DNAJC10: variants seen among roughly 807,000 people sequenced by gnomAD.
The protein encoded by DNAJC10 is DnaJ heat shock protein family (Hsp40) member C10, also known as endoplasmic reticulum disulfide reductase DNAJC10.
Under a neutral mutation model 115.0 loss-of-function variants are expected in DNAJC10, and 101 were observed. That is an observed-to-expected ratio of 0.88 (90% CI 0.75 to 1.04). DNAJC10 has a LOEUF of 1.04. DNAJC10 is among the 50% of genes least tolerant of loss of function. The probability of loss-of-function intolerance (pLI) is 0.00; values close to 1 mark genes in which losing one functional copy is unlikely to be tolerated. For missense variants in DNAJC10, 981 were observed against 928.8 expected (o/e 1.06, Z -0.73); for synonymous variants, 307 against 301.5 (o/e 1.02, Z -0.19).
intron 23 of DNAJC10, among the ~76,000 whole-genome samples, chr2:182,776,302 T>C (rs868797680): frequency 6.0e-4 from 91 of 152,336 alleles, no homozygotes; most frequent in African/African-American, 2.2e-3. Context: ...AAACCCATAT[T>C]TGTGTTGGCC....
At chr2:182,755,611 G>A (rs1694138477) in intron 17 of DNAJC10, among the ~76,000 whole-genome samples, 1 of 152,232 alleles carries the variant, frequency 6.6e-6, no homozygotes, top group African/African-American at 2.4e-5. Flanking sequence ...TCCCAGTGAA[G>A]CTAGCCTCTT....
At position 182,782,348 on chromosome 2, in the gene DNAJC10, G is replaced by A. The variant is rs1220404501; in HGVS notation, c.*5216G>A. On this transcript the variant is annotated 3_prime_UTR_variant, in exon 24 of 24. Transcript: ENST00000264065. Reference sequence around the variant, plus strand: ...AGTACCATGCTGTTTTGGTTACTGAGCCTTGTAGTATAGTTCGTTCTTTTT... The same window carrying A: ...AGTACCATGCTGTTTTGGTTACTGAACCTTGTAGTATAGTTCGTTCTTTTT... 6.6e-6 allele frequency: 1 copy of A among 151,948 alleles called. No homozygotes were observed. Among genetic ancestry groups the A allele is most frequent in the Non-Finnish European group, 1.5e-5 (1 of 67,972 alleles). 9.4% of individuals were successfully genotyped at this position (151,948 alleles called of 1,614,324 possible). A position where few individuals can be genotyped will look rare whatever the true frequency, so the allele number is the denominator to read the frequency against.
At chr2:182,770,492 G>C (rs1357783948) in intron 22 of DNAJC10, among the ~76,000 whole-genome samples, 1 of 152,024 alleles carries the variant, frequency 6.6e-6, no homozygotes, top group African/African-American at 2.4e-5. Context: ...TTATTTCCTT[G>C]AGTAGTGGTT....
At chr2:182,753,393 G>T (rs994948420) in intron 16 of DNAJC10, among the ~76,000 whole-genome samples, 1 of 152,066 alleles carries the variant, frequency 6.6e-6, no homozygotes. Context: ...GAACATCACA[G>T]AAGTTTAAGC....
chr2:182,743,417 C>G (rs920499618), intron 13 of DNAJC10, among the ~76,000 whole-genome samples, 181 bp from the exon 14 acceptor site: 1 of 152,022 alleles, frequency 6.6e-6, no homozygotes, highest in Non-Finnish European at 1.5e-5. Context: ...ATTTTTTTAA[C>G]TAAATTGAGT....
chr2:182,784,007 C>T lies in DNAJC10; in HGVS notation c.*6875C>T, dbSNP rs1349285821. The T allele has an allele frequency of 6.6e-6, 1 of 152,130 alleles. No individual in the cohort carries two copies. Among genetic ancestry groups the T allele is most frequent in the African/African-American group, 2.4e-5 (1 of 41,426 alleles). 9.4% of individuals were successfully genotyped at this position (152,130 alleles called of 1,614,324 possible). A position where few individuals can be genotyped will look rare whatever the true frequency, so the allele number is the denominator to read the frequency against. Reference sequence around the variant, plus strand: ...CAAGATGCAAAAAGAAAACCTATTTCACTACCGAAATTAAATAAACTTTAA... The same window carrying T: ...CAAGATGCAAAAAGAAAACCTATTTTACTACCGAAATTAAATAAACTTTAA... On this transcript the variant is annotated 3_prime_UTR_variant, in exon 24 of 24. Coordinates refer to ENST00000264065, the MANE Select transcript of DNAJC10 (RefSeq NM_018981.4).
intron 4 of DNAJC10, among the ~76,000 whole-genome samples, chr2:182,720,924 G>A (rs1036954502): frequency 6.6e-6 from 1 of 151,916 alleles, no homozygotes; most frequent in Non-Finnish European, 1.5e-5. Flanking sequence ...TTTGGCCTTC[G>A]GTTGACATTA....
intron 7 of DNAJC10, 46 bp downstream of exon 7, chr2:182,729,040 C>G: frequency 6.3e-7 from 1 of 1,580,940 alleles, no homozygotes; most frequent in Non-Finnish European, 8.7e-7. Flanking sequence ...AACATTATGA[C>G]AAGTTAAATA....
chr2:182,723,433 CCTT>C (rs1477280474), intron 5 of DNAJC10, among the ~76,000 whole-genome samples: 1 of 152,184 alleles, frequency 6.6e-6, no homozygotes, highest in East Asian at 1.9e-4. Context: ...TTGTTAAAAG[CCTT>C]CTAGGTGAAC....
At position 182,785,756 on chromosome 2, in the gene DNAJC10, A is replaced by G. The variant is rs184516589; in HGVS notation, c.*8624A>G. The G allele has an allele frequency of 2.0e-5, 3 of 149,234 alleles. No individual in the cohort carries two copies. The highest frequency in any genetic ancestry group is 3.0e-5 in the Non-Finnish European group (2 of 67,764). The allele number at this position is 149,234 out of a possible 1,614,324, so 9.2% of individuals were successfully genotyped here. ...ATTTGCATCTTGATTTGAACAGACT[A>G]TTGTATACATTTATATATACATAGA... On this transcript the variant is annotated 3_prime_UTR_variant, in exon 24 of 24. Transcript: ENST00000264065.
Position 182,759,176 on chromosome 2 carries a change from T to C in DNAJC10, c.2014T>C (p.Ser672Pro), listed in dbSNP as rs148785458. Reference protein sequence around the residue: ...IWGLGFLPQVSTDLTPQTFSE... With the variant: ...IWGLGFLPQVPTDLTPQTFSE... ...TTGCCACAGATTTTTACCTCAAGTA[T>C]CCACAGATCTAACACCTCAGACTTT... The change falls in exon 21 of 24, where the codon TCC (serine) becomes CCC (proline). Residue 672 changes from serine to proline, a missense_variant. Ser to Pro is a moderately conservative substitution (Grantham distance 74, BLOSUM62 -1). Transcript: ENST00000264065. 1.3e-6 allele frequency: 2 copies of C among 1,582,638 alleles called. No homozygotes were observed. Among genetic ancestry groups the C allele is most frequent in the Non-Finnish European group, 1.7e-6 (2 of 1,171,460 alleles).
Position 182,762,705 on chromosome 2 carries a change from T to C in DNAJC10, c.2169T>C (p.Ala723=). 6.2e-7 allele frequency: 1 copy of C among 1,612,478 alleles called. No individual in the cohort carries two copies. Among genetic ancestry groups the C allele is most frequent in the African/African-American group, 1.3e-5 (1 of 74,948 alleles). ...AGATGATTAAAGGAAAAGTGAAAGCTGGAAAAGTAGACTGTCAGGCTTATG... is the reference window on the plus strand; with the variant it reads ...AGATGATTAAAGGAAAAGTGAAAGCCGGAAAAGTAGACTGTCAGGCTTATG... ...LARMIKGKVK[A]GKVDCQAYAQ... is the part of the protein sequence containing the mutation. Residue 723 remains alanine, a synonymous_variant, in exon 22 of 24, where the codon GCT becomes GCC. Coordinates refer to ENST00000264065, the MANE Select transcript of DNAJC10 (RefSeq NM_018981.4).
chr2:182,791,539 G>A lies in DNAJC10; in HGVS notation c.*14407G>A, dbSNP rs1039305044. On this transcript the variant is annotated 3_prime_UTR_variant, in exon 24 of 24. Transcript: ENST00000264065. ...GTCCATAATGATTATATAGTTGTTA[G>A]CAAAATATTGGTCAAAACTTTTTCA... 9 of 152,162 alleles carry A rather than the reference G, an allele frequency of 5.9e-5. No individual in the cohort carries two copies. The highest frequency in any genetic ancestry group is 1.9e-4 in the African/African-American group (8 of 41,454). 9.4% of individuals were successfully genotyped at this position (152,162 alleles called of 1,614,324 possible).
intron 5 of DNAJC10, among the ~76,000 whole-genome samples, chr2:182,726,262 AATCTCATTATAATG>A (rs1262941449): frequency 6.6e-6 from 1 of 152,112 alleles, no homozygotes; most frequent in Non-Finnish European, 1.5e-5. Flanking sequence ...GAATTGCTGC[AATCTCATTATAATG>A]ATCTCATTAT....
intron 14 of DNAJC10, among the ~76,000 whole-genome samples, chr2:182,747,201 C>T (rs1488830874): frequency 5.3e-5 from 8 of 150,520 alleles, no homozygotes; most frequent in Admixed American, 5.3e-4. Context: ...TTAGGATTGA[C>T]TTGGCAATGC....
chr2:182,728,102 G>A (rs1693337594), intron 5 of DNAJC10, among the ~76,000 whole-genome samples: 1 of 152,146 alleles, frequency 6.6e-6, no homozygotes, highest in South Asian at 2.1e-4. Context: ...TTCTTTCAGA[G>A]TTTACAGTAG....
chr2:182,794,414 T>C lies in DNAJC10; in HGVS notation c.*17282T>C, dbSNP rs980006683. The C allele has an allele frequency of 2.0e-5, 3 of 152,224 alleles. No individual in the cohort carries two copies. Among genetic ancestry groups the C allele is most frequent in the African/African-American group, 7.2e-5 (3 of 41,454 alleles). 9.4% of individuals were successfully genotyped at this position (152,224 alleles called of 1,614,324 possible). A position where few individuals can be genotyped will look rare whatever the true frequency, so the allele number is the denominator to read the frequency against. ...TACTGTTTGTCTTTGCAGTGAGCTA[T>C]GTTTTTTTATAACATGTAGAAGTGA... On this transcript the variant is annotated 3_prime_UTR_variant, in exon 24 of 24. Coordinates refer to ENST00000264065, the MANE Select transcript of DNAJC10 (RefSeq NM_018981.4).
intron 14 of DNAJC10, among the ~76,000 whole-genome samples, chr2:182,749,517 TCCTC>T (rs1693961024): frequency 6.6e-6 from 1 of 150,526 alleles, no homozygotes; most frequent in South Asian, 2.1e-4. Context: ...TGGTAGATCT[TCCTC>T]CATCCTTTTA....
rs966031556 is a variant in DNAJC10 at position 182,751,907 on chromosome 2, C to T, written c.1434+122C>T. 6 of 1,311,936 alleles carry T rather than the reference C, an allele frequency of 4.6e-6. No individual in the cohort carries two copies. In the African/African-American group the frequency reaches 5.9e-5, roughly 13 times the overall value. 81.3% of individuals were successfully genotyped at this position (1,311,936 alleles called of 1,614,324 possible). ...AAACTGTGTCATTCCATTATGGCCA[C>T]TAATGCATATTGCTTTTAAATGAGT... On this transcript the variant is annotated intron_variant, in intron 15 of 23. Transcript: ENST00000264065.
Sources: allele counts gnomAD v4.1 joint callset (sites outside exome capture counted in the v4.1 genomes callset), GRCh38; gene constraint gnomAD v4.1.1; transcripts MANE v1.5; gene names NCBI Gene and HGNC (gene_info 2026-07-23, HGNC 2026-07-21).